Variants in CLSTN3 observed in about 807,000 individuals in gnomAD.
The protein encoded by CLSTN3 is calsyntenin-3.
CLSTN3 carries 36 observed loss-of-function variants against 95.9 expected under a neutral mutation model. The observed-to-expected ratio is 0.38, with a 90% CI of 0.29 to 0.50. The LOEUF (loss-of-function observed/expected upper bound fraction) is 0.50. Among genes scored for constraint, CLSTN3 ranks in the 20% least tolerant of loss-of-function variants. The probability of loss-of-function intolerance (pLI) is 0.95; values close to 1 mark genes in which losing one functional copy is unlikely to be tolerated. For synonymous variants in CLSTN3, 481 were observed against 504.0 expected (o/e 0.95, Z 0.61); for missense variants, 1,084 against 1,268.8 (o/e 0.85, Z 2.21).
intron 12 of CLSTN3, among the ~76,000 whole-genome samples, chr12:7,144,990 G>C (rs780825330): frequency 2.3e-3 from 355 of 152,294 alleles, no homozygotes; most frequent in African/African-American, 7.4e-3. Context: ...ATCCAGTTAT[G>C]AAAGGCTTGA....
intron 16 of CLSTN3, chr12:7,156,839 G>C (rs757530309): frequency 8.8e-6 from 4 of 455,796 alleles, no homozygotes; most frequent in South Asian, 4.7e-5. Flanking sequence ...TATGCCTCAG[G>C]GGGAGATGTT....
At position 7,158,001 on chromosome 12, in the gene CLSTN3, G is replaced by A; in HGVS notation, c.2791G>A (p.Asp931Asn). Residue 931 changes from aspartate (D) to asparagine (N), a missense_variant, in exon 18 of 18, where the codon GAC becomes AAC. Asp to Asn is a conservative substitution (Grantham distance 23). Coordinates refer to ENST00000266546, the MANE Select transcript of CLSTN3 (RefSeq NM_014718.4). ...GAVGGQQEDE[D>N]SSDSEVADSP... ...TGTTGGGGGCCAGCAGGAGGATGAG[G>A]ACAGCAGTGACTCGGAGGTGGCCGA... 1 of 1,551,226 alleles carries A rather than the reference G, an allele frequency of 6.4e-7. No homozygotes were observed. The highest frequency in any genetic ancestry group is 8.7e-7 in the Non-Finnish European group (1 of 1,146,890).
chr12:7,135,641 C>A, intron 4 of CLSTN3, 106 bp downstream of exon 4: 1 of 1,368,620 alleles, frequency 7.3e-7, no homozygotes, highest in Non-Finnish European at 1.0e-6. Flanking sequence ...CAGACCCTCA[C>A]CTCACCCTTC....
In CLSTN3 at chr12:7,133,809, C is replaced by G; in HGVS notation, c.383+41C>G. The stretch of plus-strand genomic sequence containing the variant: ...TCTCCTGCCCCATGTGTTGCAGGGT[C>G]CTCCTCCCTGCTCCCAAGCCCACCA... On this transcript the variant is annotated intron_variant, in intron 3 of 17. Coordinates refer to ENST00000266546, the MANE Select transcript of CLSTN3 (RefSeq NM_014718.4). This position sits in a 1 kb window ranked among gnomAD's most constrained non-coding sequence, Gnocchi z 4.7. The G allele has an allele frequency of 6.8e-7, 1 of 1,461,396 alleles. No individual in the cohort carries two copies. The highest frequency in any genetic ancestry group is 1.3e-5 in the South Asian group (1 of 74,196). The allele number at this position is 1,461,396 out of a possible 1,614,324, so 90.5% of individuals were successfully genotyped here. A position where few individuals can be genotyped will look rare whatever the true frequency, so the allele number is the denominator to read the frequency against.
intron 1 of CLSTN3, chr12:7,132,760 C>T: frequency 1.7e-6 from 1 of 598,094 alleles, no homozygotes; most frequent in South Asian, 2.0e-5. Context: ...ATAGTGATCC[C>T]CTCCTCTTCA....
In CLSTN3 at chr12:7,147,538, G is replaced by T. The variant is rs1476568681; in HGVS notation, c.1848-1434G>T. ...TTCTTCTTTTTTTTTTTGAGATAGG[G>T]TCTCACTCTGTCGCCCAGGCTGGAG... On this transcript the variant is annotated intron_variant, in intron 12 of 17. Transcript: ENST00000266546. 8.8e-5 allele frequency among the ~76,000 whole-genome samples: 13 copies of T among 148,468 alleles called. No homozygotes were observed. The East Asian group carries it at 2.4e-3, about 27-fold the overall frequency.
At chr12:7,155,725 C>G (rs1370955391) in intron 16 of CLSTN3, among the ~76,000 whole-genome samples, 1 of 152,274 alleles carries the variant, frequency 6.6e-6, no homozygotes, top group African/African-American at 2.4e-5. Flanking sequence ...CACCTTGGAA[C>G]CAGTGTCGAG....
chr12:7,133,476 C>T lies in CLSTN3; in HGVS notation c.188-97C>T, dbSNP rs1939344169. 1.7e-6 allele frequency: 2 copies of T among 1,211,062 alleles called. No individual in the cohort carries two copies. Among genetic ancestry groups the T allele is most frequent in the East Asian group, 2.3e-5 (1 of 42,928 alleles). The allele number at this position is 1,211,062 out of a possible 1,614,324, so 75.0% of individuals were successfully genotyped here. ...TGTGCCTACAGGAGAAGGGACAGGG[C>T]TTTGGGAGGAGAGGTGGAGCTGGAC... On this transcript the variant is annotated intron_variant, in intron 2 of 17. Coordinates refer to ENST00000266546, the MANE Select transcript of CLSTN3 (RefSeq NM_014718.4). This position sits in a 1 kb window ranked among gnomAD's most constrained non-coding sequence, Gnocchi z 4.7.
At chr12:7,156,323 G>A (rs1473798289) in intron 16 of CLSTN3, 10 of 457,014 alleles carry the variant, frequency 2.2e-5, no homozygotes, top group African/African-American at 1.4e-4. Context: ...TTTCTTCCTT[G>A]TGCTTCTTCG....
chr12:7,156,349 T>C, intron 16 of CLSTN3: 1 of 457,194 alleles, frequency 2.2e-6, no homozygotes, highest in South Asian at 1.5e-5. Context: ...TGTGTGTGTG[T>C]GTGCAGGAGG....
In CLSTN3 at chr12:7,157,726, C is replaced by A; in HGVS notation, c.2730+35C>A. ...CTGGGGAAGCGGGGTTCTGTAGGGT[C>A]AAGACTGTGGAGCACACACGGTGAG... On this transcript the variant is annotated intron_variant, in intron 17 of 17. Transcript: ENST00000266546. The surrounding 1 kb of genome is among the most constrained non-coding windows in gnomAD (Gnocchi z 5.9). 6.5e-7 allele frequency: 1 copy of A among 1,547,904 alleles called. No homozygotes were observed. Among genetic ancestry groups the A allele is most frequent in the South Asian group, 1.2e-5 (1 of 83,782 alleles).
At chr12:7,156,019 A>T (rs771585547) in intron 16 of CLSTN3, 4 of 351,428 alleles carry the variant, frequency 1.1e-5, no homozygotes, top group Non-Finnish European at 2.3e-5. Context: ...TTGACACATG[A>T]GTCTCAGGCT....
chr12:7,153,331 G>T (rs186357611), intron 16 of CLSTN3, among the ~76,000 whole-genome samples: 16 of 152,238 alleles, frequency 1.1e-4, no homozygotes. Flanking sequence ...TTTTTATAGA[G>T]ACAAGGTCTC....
rs576176767 is a variant in CLSTN3, at chr12:7,143,288, C to A, written c.1824C>A (p.Pro608=). The change falls in exon 12 of 18, where the codon CCC becomes CCA. Residue 608 remains proline (P), a synonymous_variant. Transcript: ENST00000266546. Reference sequence around the variant, plus strand: ...GCTTTGCCACGCCCGGCGTCAGGCCCCTGCGCCTCACCACTGCTGTCAAGT... The same window carrying A: ...GCTTTGCCACGCCCGGCGTCAGGCCACTGCGCCTCACCACTGCTGTCAAGT... ...TLRFATPGVR[P]LRLTTAVKCF... The A allele has an allele frequency of 1.0e-4, 166 of 1,610,578 alleles. 1 individual carries two copies. Among genetic ancestry groups the A allele is most frequent in the Non-Finnish European group, 1.4e-4 (162 of 1,179,938 alleles).
At chr12:7,153,514 G>A (rs975547148) in intron 16 of CLSTN3, among the ~76,000 whole-genome samples, 1 of 152,078 alleles carries the variant, frequency 6.6e-6, no homozygotes, top group African/African-American at 2.4e-5. Context: ...GGATTAGCGG[G>A]GAATATAAGG....
chr12:7,150,837 G>A lies in CLSTN3; in HGVS notation c.2392-91G>A. The A allele has an allele frequency of 6.5e-7, 1 of 1,546,342 alleles. No individual in the cohort carries two copies. The highest frequency in any genetic ancestry group is 8.8e-7 in the Non-Finnish European group (1 of 1,138,642). On this transcript the variant is annotated intron_variant, in intron 15 of 17. Transcript: ENST00000266546. The surrounding 1 kb of genome is among the most constrained non-coding windows in gnomAD (Gnocchi z 4.0). ...CAGTGGGTGGAGGAGAAGGAGATGG[G>A]GGCAGTAGTTAGGAGATGGGGCTGG...
chr12:7,148,741 CCTT>C (rs1364976321), intron 12 of CLSTN3, among the ~76,000 whole-genome samples: 19 of 152,294 alleles, frequency 1.2e-4, no homozygotes, highest in Non-Finnish European at 2.4e-4. Context: ...GATTACCTGA[CCTT>C]CTGTCCTCGA....
chr12:7,130,835 A>C (rs1591611919), intron 1 of CLSTN3, 123 bp downstream of exon 1: 1 of 837,578 alleles, frequency 1.2e-6, no homozygotes. Flanking sequence ...TCTTCTGATC[A>C]CCCTCCTTCC....
At chr12:7,144,786 G>C (rs1939594825) in intron 12 of CLSTN3, among the ~76,000 whole-genome samples, 1 of 152,182 alleles carries the variant, frequency 6.6e-6, no homozygotes, top group Non-Finnish European at 1.5e-5. Context: ...CTGAGCCCTA[G>C]AGGGTGACTG....
Sources: gnomAD v4.1 joint callset for allele counts (sites outside exome capture counted in the v4.1 genomes callset) on GRCh38, gnomAD v4.1.1 for gene constraint, Gnocchi (gnomAD v3.1) non-coding constraint, MANE v1.5 for transcripts, NCBI Gene and HGNC (gene_info 2026-07-23, HGNC 2026-07-21) for gene names.